COQ8A: variants seen among roughly 807,000 people sequenced by gnomAD.
COQ8A encodes the protein coenzyme Q8A, also known as atypical kinase COQ8A, mitochondrial.
In COQ8A, 51 loss-of-function variants were observed where a neutral mutation model predicts 65.0. The observed-to-expected ratio is 0.78, with a 90% CI of 0.63 to 0.99. COQ8A has a LOEUF of 0.99. Ranked by LOEUF, COQ8A falls within the 50% of genes least tolerant of loss-of-function variation. COQ8A has a pLI of 0.00. For missense variants in COQ8A, 940 were observed against 875.0 expected, an observed-to-expected ratio of 1.07 and a Z score of -0.94; for synonymous variants, 371 against 353.2, an observed-to-expected ratio of 1.05 and a Z score of -0.57.
intron 1 of COQ8A, among the ~76,000 whole-genome samples, chr1:226,945,746 G>A (rs1418679919): frequency 1.3e-5 from 2 of 152,232 alleles, no homozygotes; most frequent in African/African-American, 4.8e-5. Flanking sequence ...ACAGCTGCCT[G>A]CTGGCTTCAG....
At chr1:226,977,823 CT>C (rs1659336835) in intron 5 of COQ8A, among the ~76,000 whole-genome samples, 1 of 151,624 alleles carries the variant, frequency 6.6e-6, no homozygotes, top group Non-Finnish European at 1.5e-5. Context: ...TACACACCCC[CT>C]GCACACCCAC....
intron 1 of COQ8A, among the ~76,000 whole-genome samples, chr1:226,951,394 C>T (rs1412650428): frequency 6.6e-6 from 1 of 152,172 alleles, no homozygotes; most frequent in Non-Finnish European, 1.5e-5. Context: ...AGAAAGTTGG[C>T]ATTGGACAAC....
At chr1:226,947,010 C>A (rs965413136) in intron 1 of COQ8A, among the ~76,000 whole-genome samples, 1 of 152,216 alleles carries the variant, frequency 6.6e-6, no homozygotes, top group African/African-American at 2.4e-5. Flanking sequence ...AATTGTGATA[C>A]CCTCAGTCCT....
intron 1 of COQ8A, among the ~76,000 whole-genome samples, chr1:226,945,976 G>T (rs1424589707): frequency 6.6e-6 from 1 of 152,200 alleles, no homozygotes; most frequent in Admixed American, 6.5e-5. Context: ...GGGGATTCAG[G>T]TTCCCCTGGT....
intron 4 of COQ8A, among the ~76,000 whole-genome samples, chr1:226,975,741 C>T (rs537833472): frequency 5.3e-4 from 80 of 152,292 alleles, no homozygotes; most frequent in African/African-American, 1.9e-3. Context: ...GCTCTACTCA[C>T]GCCCGCACGA....
At chr1:226,960,434 T>TTGGTGG (rs1658149257) in intron 1 of COQ8A, among the ~76,000 whole-genome samples, 6 of 52,350 alleles carry the variant, frequency 1.1e-4, no homozygotes, top group Non-Finnish European at 2.0e-4. Context: ...GTGGTGGTAC[T>TTGGTGG]TGGTGGTACT....
intron 5 of COQ8A, among the ~76,000 whole-genome samples, chr1:226,980,904 G>C (rs1659644750): frequency 6.6e-6 from 1 of 152,258 alleles, no homozygotes; most frequent in Non-Finnish European, 1.5e-5. Flanking sequence ...CCGGGGCAGA[G>C]GGCAGTGGCA....
At chr1:226,978,103 C>T (rs1659369806) in intron 5 of COQ8A, among the ~76,000 whole-genome samples, 1 of 149,760 alleles carries the variant, frequency 6.7e-6, no homozygotes, top group Non-Finnish European at 1.5e-5. Flanking sequence ...AACACCCGCA[C>T]ACGTCACACA....
chr1:226,952,851 C>T (rs1436255524), intron 1 of COQ8A, among the ~76,000 whole-genome samples: 1 of 152,148 alleles, frequency 6.6e-6, no homozygotes, highest in Non-Finnish European at 1.5e-5. Flanking sequence ...TGTCTTCCCA[C>T]CACTGCATGA....
intron 4 of COQ8A, among the ~76,000 whole-genome samples, chr1:226,969,883 C>G (rs912674523): frequency 6.6e-6 from 1 of 152,106 alleles, no homozygotes; most frequent in Non-Finnish European, 1.5e-5. Context: ...TGTTTGTTTA[C>G]TATTTGACCT....
intron 13 of COQ8A, 119 bp downstream of exon 13, chr1:226,985,060 C>T (rs1659999400): frequency 1.4e-6 from 2 of 1,382,108 alleles, no homozygotes; most frequent in Non-Finnish European, 2.0e-6. Flanking sequence ...ATCTGCGCTG[C>T]CTGCCCCTCA....
intron 5 of COQ8A, among the ~76,000 whole-genome samples, chr1:226,978,234 A>G (rs193051768): frequency 4.4e-4 from 43 of 97,962 alleles, no homozygotes; most frequent in Admixed American, 2.7e-3. Context: ...CTACACACCC[A>G]CCACACACAC....
At chr1:226,974,534 C>T (rs1045321296) in intron 4 of COQ8A, among the ~76,000 whole-genome samples, 5 of 152,200 alleles carry the variant, frequency 3.3e-5, no homozygotes, top group South Asian at 4.1e-4. Context: ...CTGAGGTGCT[C>T]ATCTTCTGGA....
intron 7 of COQ8A, 53 bp downstream of exon 7, chr1:226,982,816 G>A (rs923611157): frequency 3.1e-6 from 5 of 1,612,576 alleles, no homozygotes; most frequent in Middle Eastern, 3.3e-4. Context: ...CCCACTGGGT[G>A]GAGGGGACAG....
chr1:226,973,847 G>A (rs1223990486), intron 4 of COQ8A, among the ~76,000 whole-genome samples: 3 of 152,218 alleles, frequency 2.0e-5, no homozygotes, highest in Admixed American at 1.3e-4. Flanking sequence ...TGGGCTTAGC[G>A]CAGCGCCTGG....
At chr1:226,961,631 C>A in intron 2 of COQ8A, 69 bp downstream of exon 2, 2 of 1,522,510 alleles carry the variant, frequency 1.3e-6, no homozygotes, top group Non-Finnish European at 1.8e-6. Flanking sequence ...TGGGGGAGAC[C>A]AAGGGCTGTG....
In COQ8A at chr1:226,968,274, G is replaced by A. The variant is rs573647864; in HGVS notation, c.655+2537G>A. On this transcript the variant is annotated intron_variant, in intron 4 of 14. Transcript: ENST00000366777. ...TGCTTGAGCCCAGGAGGGAGAGGTT[G>A]CAGTGAGCTGAGATTGCGCCACTGC... is the stretch of plus-strand genomic sequence containing the variant. Among the ~76,000 whole-genome samples, 6 of 152,252 alleles carry A rather than the reference G, an allele frequency of 3.9e-5. No homozygotes were observed. In the South Asian group the frequency reaches 1.2e-3, roughly 32 times the overall value.
intron 6 of COQ8A, 66 bp downstream of exon 6, chr1:226,982,215 C>T (rs1330828636): frequency 6.5e-7 from 1 of 1,533,410 alleles, no homozygotes; most frequent in Non-Finnish European, 8.8e-7. Flanking sequence ...ACTTCCAGGG[C>T]CGGGAGCAGT....
In COQ8A at chr1:226,946,168, C is replaced by G. The variant is rs145791373; in HGVS notation, c.-10+5769C>G. Among the ~76,000 whole-genome samples, 1 of 152,126 alleles carries G rather than the reference C, an allele frequency of 6.6e-6. No homozygotes were observed. The highest frequency in any genetic ancestry group is 1.5e-5 in the Non-Finnish European group (1 of 68,018). On this transcript the variant is annotated intron_variant, in intron 1 of 14. Coordinates refer to ENST00000366777, the MANE Select transcript of COQ8A (RefSeq NM_020247.5). The surrounding 1 kb of genome is among the most constrained non-coding windows in gnomAD (Gnocchi z 5.3). Reference sequence around the variant, plus strand: ...CTGGGAAAGAGAGGGCCCCTCCCTCCGGAGCTTACCTTGCAGTAAGGGAAA... The same window carrying G: ...CTGGGAAAGAGAGGGCCCCTCCCTCGGGAGCTTACCTTGCAGTAAGGGAAA...
Sources: allele counts gnomAD v4.1 joint callset (sites outside exome capture counted in the v4.1 genomes callset), GRCh38; gene constraint gnomAD v4.1.1; non-coding constraint Gnocchi (gnomAD v3.1); transcripts MANE v1.5; gene names NCBI Gene and HGNC (gene_info 2026-07-23, HGNC 2026-07-21).